The following CNTN5 variants were observed in gnomAD, a reference collection of about 807,000 sequenced individuals.
The protein encoded by CNTN5 is contactin 5.
In CNTN5, 77 loss-of-function variants were observed where a neutral mutation model predicts 129.1. The observed-to-expected ratio is 0.60, with a 90% confidence interval of 0.50 to 0.72. The LOEUF (loss-of-function observed/expected upper bound fraction) is 0.72, where lower values mean the gene tolerates loss of function less well. Ranked by LOEUF, CNTN5 falls within the 30% of genes least tolerant of loss-of-function variation. The pLI is 0.00. For synonymous variants in CNTN5, 509 were observed against 465.6 expected, an observed-to-expected ratio of 1.09 and a Z score of -1.20; for missense variants, 1,478 against 1,328.8, an observed-to-expected ratio of 1.11 and a Z score of -1.75.
At chr11:99,823,709 A>G (rs1946869738) in intron 4 of CNTN5, among the ~76,000 whole-genome samples, 1 of 152,094 alleles carries the variant, frequency 6.6e-6, no homozygotes, top group Non-Finnish European at 1.5e-5. Flanking sequence ...AAACTTTAAT[A>G]TTTTTCCAAA....
chr11:99,408,111 G>A (rs1024429723), intron 2 of CNTN5, among the ~76,000 whole-genome samples: 2 of 152,030 alleles, frequency 1.3e-5, no homozygotes, highest in African/African-American at 4.8e-5. Context: ...CAGGGCAGGT[G>A]GGGAGCAATA....
At chr11:99,567,045 A>C (rs564557023) in intron 3 of CNTN5, among the ~76,000 whole-genome samples, 2 of 152,300 alleles carry the variant, frequency 1.3e-5, no homozygotes, top group Non-Finnish European at 2.9e-5. Context: ...AATCAAAAAT[A>C]ATTTGAGGTT....
chr11:99,263,157 T>A (rs1862722363), intron 1 of CNTN5, among the ~76,000 whole-genome samples: 1 of 152,112 alleles, frequency 6.6e-6, no homozygotes, highest in African/African-American at 2.4e-5. Flanking sequence ...CAGGCAGATA[T>A]ATCAGATGGT....
chr11:99,443,577 C>G (rs1943929541), intron 2 of CNTN5, among the ~76,000 whole-genome samples: 1 of 152,124 alleles, frequency 6.6e-6, no homozygotes, highest in Admixed American at 6.5e-5. Context: ...ATTATGAATT[C>G]ATAAATATTT....
At chr11:99,101,024 T>C (rs530769795) in intron 1 of CNTN5, among the ~76,000 whole-genome samples, 133 of 152,302 alleles carry the variant, frequency 8.7e-4, no homozygotes, top group African/African-American at 3.2e-3. Flanking sequence ...AGAGGTTTAA[T>C]GGACTCACAG....
intron 1 of CNTN5, among the ~76,000 whole-genome samples, chr11:99,198,598 T>G (rs1054150965): frequency 6.6e-5 from 10 of 152,104 alleles, no homozygotes; most frequent in African/African-American, 2.4e-4. Flanking sequence ...AGCTATAAAT[T>G]TCAACTTTTA....
intron 1 of CNTN5, among the ~76,000 whole-genome samples, chr11:99,196,771 T>TA (rs1238443006): frequency 2.6e-4 from 40 of 151,178 alleles, no homozygotes; most frequent in Admixed American, 8.6e-4. Flanking sequence ...CAACATCCTT[T>TA]AAAAAGAAAA....
chr11:99,145,560 T>C (rs1404208659), intron 1 of CNTN5, among the ~76,000 whole-genome samples: 2 of 152,156 alleles, frequency 1.3e-5, no homozygotes, highest in African/African-American at 4.8e-5. Context: ...GTCAATATCC[T>C]CCAGTCAATT....
At chr11:99,319,374 T>C (rs1282634433) in intron 1 of CNTN5, among the ~76,000 whole-genome samples, 1 of 152,184 alleles carries the variant, frequency 6.6e-6, no homozygotes, top group Non-Finnish European at 1.5e-5. Context: ...CGTATTTTTC[T>C]TCAGGTGGAA....
chr11:99,585,888 GGTGAA>G (rs1033095363), intron 3 of CNTN5, among the ~76,000 whole-genome samples: 15 of 152,194 alleles, frequency 9.9e-5, no homozygotes, highest in African/African-American at 3.6e-4. Context: ...AAATTTCCGT[GGTGAA>G]GCAGGTGAAT....
rs561260988 is a variant in CNTN5, at chr11:99,063,262, A to G, written c.-210+41992A>G. Reference sequence around the variant, plus strand: ...AATACATGGCATCATTAGTTCGAGGACATGCTTCTCTTTCAGCTGGCAAGA... The same window carrying G: ...AATACATGGCATCATTAGTTCGAGGGCATGCTTCTCTTTCAGCTGGCAAGA... On this transcript the variant is annotated intron_variant, in intron 1 of 24. Transcript: ENST00000524871. Among the ~76,000 whole-genome samples, 5 of 152,194 alleles carry G rather than the reference A, an allele frequency of 3.3e-5. No individual in the cohort carries two copies. The South Asian group carries it at 1.0e-3, about 32-fold the overall frequency.
chr11:99,320,798 C>T (rs1865536414), intron 1 of CNTN5, among the ~76,000 whole-genome samples: 1 of 152,100 alleles, frequency 6.6e-6, no homozygotes, highest in African/African-American at 2.4e-5. Flanking sequence ...CTTGCCTGGG[C>T]CATGGGCTCC....
chr11:99,830,171 T>C (rs180960733), intron 4 of CNTN5, among the ~76,000 whole-genome samples: 3 of 152,246 alleles, frequency 2.0e-5, no homozygotes, highest in Non-Finnish European at 4.4e-5. Flanking sequence ...GAGACTACAG[T>C]GCTGTTTTTG....
At chr11:99,237,496 C>A (rs1861336680) in intron 1 of CNTN5, among the ~76,000 whole-genome samples, 1 of 152,136 alleles carries the variant, frequency 6.6e-6, no homozygotes, top group Non-Finnish European at 1.5e-5. Context: ...TCCCGGCCAA[C>A]ATAGTGGAAC....
At chr11:99,188,706 C>T (rs188223110) in intron 1 of CNTN5, among the ~76,000 whole-genome samples, 79 of 151,486 alleles carry the variant, frequency 5.2e-4, no homozygotes, top group African/African-American at 1.7e-3. Flanking sequence ...TGCTTATGCT[C>T]GTTAGTATTT....
intron 2 of CNTN5, among the ~76,000 whole-genome samples, chr11:99,369,652 C>T (rs894122994): frequency 6.6e-6 from 1 of 151,878 alleles, no homozygotes; most frequent in Non-Finnish European, 1.5e-5. Flanking sequence ...TTAAAATACA[C>T]CAAAGTAATG....
chr11:99,509,790 C>G (rs1283828834), intron 2 of CNTN5, among the ~76,000 whole-genome samples: 1 of 151,794 alleles, frequency 6.6e-6, no homozygotes, highest in Non-Finnish European at 1.5e-5. Context: ...CTTAATACAT[C>G]TATTTATTAA....
chr11:100,301,503 AT>A (rs140512013), intron 20 of CNTN5, among the ~76,000 whole-genome samples: 5,489 of 151,724 alleles, frequency 0.036, 335 homozygotes, highest in African/African-American at 0.12. Flanking sequence ...CACTTCATTT[AT>A]TTTAATCAAC....
chr11:99,501,217 T>C (rs1479524207), intron 2 of CNTN5, among the ~76,000 whole-genome samples: 1 of 152,200 alleles, frequency 6.6e-6, no homozygotes. Flanking sequence ...TTGAATCTAC[T>C]ATTCTGCTGG....
Sources: gnomAD v4.1 joint callset for allele counts (sites outside exome capture counted in the v4.1 genomes callset) on GRCh38, gnomAD v4.1.1 for gene constraint, MANE v1.5 for transcripts, NCBI Gene and HGNC (gene_info 2026-07-23, HGNC 2026-07-21) for gene names.